Variants in SYNPR observed in about 807,000 individuals in gnomAD.
The protein encoded by SYNPR is synaptoporin.
Under a neutral mutation model 32.9 loss-of-function variants are expected in SYNPR, and 23 were observed. The observed-to-expected ratio is 0.70, with a 90% CI of 0.50 to 0.99. The LOEUF is 0.99. Ranked by LOEUF, SYNPR falls within the 50% of genes least tolerant of loss-of-function variation. The pLI, the probability that SYNPR is intolerant of heterozygous loss-of-function variation, is 0.00. For missense variants in SYNPR, 318 were observed against 349.3 expected (o/e 0.91, Z 0.71); for synonymous variants, 146 against 135.9 (o/e 1.07, Z -0.52).
chr3:63,353,348 T>C (rs1216400710), intron 2 of SYNPR, among the ~76,000 whole-genome samples: 1 of 152,230 alleles, frequency 6.6e-6, no homozygotes, highest in Non-Finnish European at 1.5e-5. Context: ...CTCCCTTATT[T>C]ATCTTCTTCC....
chr3:63,466,061 C>T (rs2106664797), intron 2 of SYNPR, among the ~76,000 whole-genome samples: 1 of 152,260 alleles, frequency 6.6e-6, no homozygotes, highest in East Asian at 1.9e-4. Context: ...TCTCCTCCTA[C>T]TCTCTACTCT....
chr3:63,555,289 TAAG>T (rs1702577144), intron 3 of SYNPR, among the ~76,000 whole-genome samples: 1 of 149,234 alleles, frequency 6.7e-6, no homozygotes. Context: ...AAATACTTCC[TAAG>T]TATAAGTTGG....
intron 2 of SYNPR, among the ~76,000 whole-genome samples, chr3:63,376,122 C>G (rs2087892573): frequency 6.6e-6 from 1 of 152,144 alleles, no homozygotes; most frequent in South Asian, 2.1e-4. Flanking sequence ...CCATCTATTT[C>G]TCTGTGTGTT....
chr3:63,251,344 TG>T (rs1433816025), intron 1 of SYNPR, among the ~76,000 whole-genome samples: 1 of 151,850 alleles, frequency 6.6e-6, no homozygotes, highest in Non-Finnish European at 1.5e-5. Context: ...ATCCCTGGGT[TG>T]GGAGAAGAGG....
chr3:63,356,576 A>C (rs1045058932), intron 2 of SYNPR, among the ~76,000 whole-genome samples: 14 of 152,208 alleles, frequency 9.2e-5, no homozygotes, highest in African/African-American at 2.9e-4. Flanking sequence ...TGAATCCCAG[A>C]CTGGGTCAGT....
At chr3:63,471,027 T>G (rs909363445) in intron 2 of SYNPR, among the ~76,000 whole-genome samples, 1 of 152,246 alleles carries the variant, frequency 6.6e-6, no homozygotes, top group African/African-American at 2.4e-5. Flanking sequence ...TTTTGCCATG[T>G]AAGTAACTTG....
rs1306739715 is a variant in SYNPR, at chr3:63,466,708, G to A, written c.85-14124G>A. 5.9e-5 allele frequency among the ~76,000 whole-genome samples: 8 copies of A among 134,500 alleles called. No individual in the cohort carries two copies. The South Asian group carries it at 1.8e-3, about 30-fold the overall frequency. The allele number at this position is 134,500 out of a possible 152,430, so 88.2% of individuals were successfully genotyped here. ...TCCAAGCTGAAGGTGCTGGCAAGCT[G>A]AAGGTGCTAAGGCCTCTTCTCTCAG... On this transcript the variant is annotated intron_variant, in intron 2 of 5. Transcript: ENST00000478300.
At chr3:63,254,972 G>T (rs999060981) in intron 2 of SYNPR, among the ~76,000 whole-genome samples, 1 of 152,138 alleles carries the variant, frequency 6.6e-6, no homozygotes, top group Admixed American at 6.5e-5. Flanking sequence ...GGCCTCAAAA[G>T]AAACCTGCCT....
rs150703298 is a variant in SYNPR, at chr3:63,435,047, G to T, written c.85-45785G>T. ...ATCTATCACCAGAAATTATACAACT[G>T]AAATACAACATTGTTTTAATCTCTA... On this transcript the variant is annotated intron_variant, in intron 2 of 5. Coordinates refer to ENST00000478300, the MANE Select transcript of SYNPR (RefSeq NM_001130003.2). Among the ~76,000 whole-genome samples, 27 of 152,224 alleles carry T rather than the reference G, an allele frequency of 1.8e-4. No homozygotes were observed. The East Asian group carries it at 5.2e-3, about 29-fold the overall frequency.
chr3:63,298,893 C>G (rs1313483487), intron 2 of SYNPR, among the ~76,000 whole-genome samples: 2 of 152,026 alleles, frequency 1.3e-5, no homozygotes, highest in African/African-American at 4.8e-5. Context: ...ACCTGGCTGC[C>G]CCTGTTTGCA....
chr3:63,493,088 C>T (rs777010212), intron 3 of SYNPR, among the ~76,000 whole-genome samples: 1 of 152,040 alleles, frequency 6.6e-6, no homozygotes, highest in Non-Finnish European at 1.5e-5. Flanking sequence ...ACATGCTTTG[C>T]GTCCCCTCAA....
At chr3:63,401,950 G>A (rs1461687501) in intron 2 of SYNPR, among the ~76,000 whole-genome samples, 3 of 152,178 alleles carry the variant, frequency 2.0e-5, no homozygotes. Flanking sequence ...TCTTCTGCCA[G>A]AGAGACACCT....
intron 2 of SYNPR, among the ~76,000 whole-genome samples, chr3:63,301,285 A>C (rs1289560474): frequency 6.6e-6 from 1 of 152,166 alleles, no homozygotes; most frequent in Non-Finnish European, 1.5e-5. Flanking sequence ...CGTTCAGCGC[A>C]GTACCTAATA....
chr3:63,515,779 C>G (rs17397636), intron 3 of SYNPR, among the ~76,000 whole-genome samples: 35,379 of 152,004 alleles, frequency 0.23, 4,170 homozygotes, highest in East Asian at 0.31. Flanking sequence ...TGTGTTTCTA[C>G]CTTCCAAATT....
intron 4 of SYNPR, among the ~76,000 whole-genome samples, chr3:63,581,095 G>A (rs17069087): frequency 0.038 from 5,826 of 152,210 alleles, 409 homozygotes; most frequent in African/African-American, 0.13. Context: ...TGTAAAGAAT[G>A]AAAAGTGAAG....
intron 4 of SYNPR, among the ~76,000 whole-genome samples, chr3:63,598,887 G>T (rs1326059320): frequency 6.6e-6 from 1 of 152,140 alleles, no homozygotes; most frequent in East Asian, 1.9e-4. Context: ...ATCTCTTTTA[G>T]ACTGACAGGG....
In SYNPR at chr3:63,451,014, C is replaced by T. The variant is rs558496506; in HGVS notation, c.85-29818C>T. On this transcript the variant is annotated intron_variant, in intron 2 of 5. Coordinates refer to ENST00000478300, the MANE Select transcript of SYNPR (RefSeq NM_001130003.2). ...AAAGAGAGGAAATAGGTCCAAATCC[C>T]GGCTCTGCGATATAGGGGTATGTAT... is the stretch of plus-strand genomic sequence containing the variant. Among the ~76,000 whole-genome samples, 22 of 152,112 alleles carry T rather than the reference C, an allele frequency of 1.4e-4. No homozygotes were observed. The South Asian group carries it at 3.7e-3, about 26-fold the overall frequency.
intron 2 of SYNPR, among the ~76,000 whole-genome samples, chr3:63,348,661 G>A (rs1428224168): frequency 6.6e-6 from 1 of 152,032 alleles, no homozygotes; most frequent in African/African-American, 2.4e-5. Flanking sequence ...TATAGTTTCA[G>A]GTTTTACATT....
chr3:63,403,570 G>A (rs1029267132), intron 2 of SYNPR, among the ~76,000 whole-genome samples: 3 of 152,002 alleles, frequency 2.0e-5, no homozygotes, highest in African/African-American at 7.3e-5. Context: ...AGATGAGACA[G>A]CACAGGAACC....
Sources: allele counts gnomAD v4.1 joint callset (sites outside exome capture counted in the v4.1 genomes callset), GRCh38; gene constraint gnomAD v4.1.1; transcripts MANE v1.5; gene names NCBI Gene and HGNC (gene_info 2026-07-23, HGNC 2026-07-21).